Variants in PCDH11X observed in about 807,000 individuals in gnomAD.
The protein encoded by PCDH11X is protocadherin 11 X-linked, also known as protocadherin-11 X-linked.
A neutral mutation model predicts 53.3 loss-of-function variants in PCDH11X; 18 were observed. The ratio of observed to expected loss-of-function variants is 0.34; its 90% confidence interval spans 0.23 to 0.50. The LOEUF (loss-of-function observed/expected upper bound fraction) is 0.50, where lower values mean the gene tolerates loss of function less well. Among genes scored for constraint, PCDH11X ranks in the 20% least tolerant of loss-of-function variants. The probability of loss-of-function intolerance (pLI) is 0.98; values close to 1 mark genes in which losing one functional copy is unlikely to be tolerated. For synonymous variants in PCDH11X, 279 were observed against 393.3 expected (o/e 0.71, Z 3.44); for missense variants, 570 against 1,032.4 (o/e 0.55, Z 6.14).
chrX:92,161,698 G>A (rs1178589111), intron 6 of PCDH11X, among the ~76,000 whole-genome samples: 1 of 98,089 alleles, frequency 1.0e-5, no homozygotes, highest in Non-Finnish European at 2.1e-5. Flanking sequence ...CTTCTTGGAG[G>A]CTTTGTTCGT....
intron 6 of PCDH11X, among the ~76,000 whole-genome samples, chrX:92,017,880 A>G (rs1355209152): frequency 9.9e-4 from 106 of 106,778 alleles, no homozygotes; most frequent in Non-Finnish European, 1.8e-3. Flanking sequence ...AAAAAAAAAA[A>G]GCAATATCTA....
intron 6 of PCDH11X, among the ~76,000 whole-genome samples, chrX:92,069,788 T>C (rs1276903655): frequency 2.7e-5 from 3 of 111,625 alleles, no homozygotes; most frequent in Non-Finnish European, 5.6e-5. Flanking sequence ...TTCAAGTGAT[T>C]ATCTTGCCTC....
At chrX:92,141,936 A>AT (rs2148217321) in intron 6 of PCDH11X, among the ~76,000 whole-genome samples, 1 of 111,209 alleles carries the variant, frequency 9.0e-6, no homozygotes, top group South Asian at 3.7e-4. Context: ...GTTCTGTATC[A>AT]TTGTTGAATA....
At chrX:92,246,445 C>T (rs1055183172) in intron 7 of PCDH11X, among the ~76,000 whole-genome samples, 5 of 111,221 alleles carry the variant, frequency 4.5e-5, no homozygotes, top group South Asian at 3.8e-4. Flanking sequence ...CTCCACCTCC[C>T]GGGTTCAAAC....
At chrX:92,438,160 G>T (rs1345589545) in intron 9 of PCDH11X, among the ~76,000 whole-genome samples, 2 of 111,591 alleles carry the variant, frequency 1.8e-5, no homozygotes, top group African/African-American at 6.5e-5. Flanking sequence ...CCTACACATT[G>T]TCCTTTCCTT....
chrX:92,029,031 T>C (rs1301365323), intron 6 of PCDH11X, among the ~76,000 whole-genome samples: 2 of 109,759 alleles, frequency 1.8e-5, no homozygotes, highest in African/African-American at 6.6e-5. Context: ...AGGATACCAT[T>C]GAAAATTACT....
intron 10 of PCDH11X, among the ~76,000 whole-genome samples, chrX:92,487,879 G>T (rs2073678629): frequency 9.0e-6 from 1 of 111,428 alleles, no homozygotes; most frequent in Admixed American, 9.5e-5. Flanking sequence ...ATCCTTTGAT[G>T]AATACCCTAC....
intron 7 of PCDH11X, among the ~76,000 whole-genome samples, chrX:92,219,548 G>A (rs1384426205): frequency 9.2e-6 from 1 of 108,204 alleles, no homozygotes; most frequent in African/African-American, 3.4e-5. Context: ...AAATAAAAGA[G>A]GATACAAACA....
intron 10 of PCDH11X, among the ~76,000 whole-genome samples, chrX:92,542,758 T>C (rs1401964870): frequency 9.0e-6 from 1 of 111,367 alleles, no homozygotes; most frequent in African/African-American, 3.3e-5. Context: ...TTCTGGTAAC[T>C]GTTGTACTCT....
At chrX:92,176,511 A>G (rs1364258879) in intron 6 of PCDH11X, among the ~76,000 whole-genome samples, 4 of 112,179 alleles carry the variant, frequency 3.6e-5, no homozygotes, top group Non-Finnish European at 5.6e-5. Flanking sequence ...CATGCGAAAC[A>G]TTTGTCAATT....
intron 8 of PCDH11X, among the ~76,000 whole-genome samples, chrX:92,342,697 G>T (rs891958194): frequency 1.9e-4 from 21 of 110,785 alleles, no homozygotes; most frequent in Non-Finnish European, 3.4e-4. Flanking sequence ...TATTCAAAAG[G>T]GGGGAGTGAG....
chrX:91,796,915 C>T (rs1368675760), intron 1 of PCDH11X, among the ~76,000 whole-genome samples: 10 of 111,570 alleles, frequency 9.0e-5, no homozygotes, highest in Non-Finnish European at 1.7e-4. Context: ...TTTTTCACTT[C>T]ACAGTCCAGA....
At chrX:92,211,961 G>A (rs1242728340) in intron 7 of PCDH11X, among the ~76,000 whole-genome samples, 4 of 94,483 alleles carry the variant, frequency 4.2e-5, no homozygotes, top group African/African-American at 1.6e-4. Context: ...CAATATTTTT[G>A]TATTGATTTC....
chrX:92,261,393 C>A (rs921340816), intron 7 of PCDH11X, among the ~76,000 whole-genome samples: 1 of 111,807 alleles, frequency 8.9e-6, no homozygotes, highest in African/African-American at 3.2e-5. Context: ...TGGAGTTGTT[C>A]TTTTTCAGTA....
At chrX:91,839,593 G>A (rs1240281495) in intron 5 of PCDH11X, among the ~76,000 whole-genome samples, 1 of 109,334 alleles carries the variant, frequency 9.1e-6, no homozygotes, top group Non-Finnish European at 1.9e-5. Flanking sequence ...AACAGTGAAA[G>A]ACTGTCTCCA....
chrX:91,931,560 C>T (rs1229223750), intron 6 of PCDH11X, among the ~76,000 whole-genome samples: 1 of 111,047 alleles, frequency 9.0e-6, no homozygotes, highest in Admixed American at 9.6e-5. Context: ...GTGAAGGTTA[C>T]ACTATGTGAA....
At chrX:92,480,595 T>C (rs2073482280) in intron 10 of PCDH11X, among the ~76,000 whole-genome samples, 1 of 110,586 alleles carries the variant, frequency 9.0e-6, no homozygotes, top group Non-Finnish European at 1.9e-5. Context: ...ACTGGCTTCA[T>C]TTCTGGAAGA....
intron 6 of PCDH11X, among the ~76,000 whole-genome samples, chrX:91,999,692 A>G (rs2062477492): frequency 9.2e-6 from 1 of 109,289 alleles, no homozygotes; most frequent in East Asian, 2.9e-4. Context: ...CTAGATGGAG[A>G]GACTCAGAGG....
intron 7 of PCDH11X, among the ~76,000 whole-genome samples, chrX:92,203,104 A>T (rs1328920196): frequency 1.8e-5 from 2 of 112,367 alleles, no homozygotes; most frequent in East Asian, 5.6e-4. Context: ...ACTGTTGTTA[A>T]TAAAGTCCTA....
Sources: allele counts gnomAD v4.1 joint callset (sites outside exome capture counted in the v4.1 genomes callset), GRCh38; gene constraint gnomAD v4.1.1; transcripts MANE v1.5; gene names NCBI Gene and HGNC (gene_info 2026-07-23, HGNC 2026-07-21).